Variants in KLF12 observed in about 807,000 individuals in gnomAD.
KLF12 encodes KLF transcription factor 12.
In KLF12, 9 loss-of-function variants were observed where a neutral mutation model predicts 37.8. The ratio of observed to expected loss-of-function variants is 0.24; its 90% CI spans 0.14 to 0.42. The LOEUF is 0.42. Among genes scored for constraint, KLF12 ranks in the 10% least tolerant of loss-of-function variants. KLF12 has a pLI of 1.00. For synonymous variants in KLF12, 208 were observed against 202.1 expected, an observed-to-expected ratio of 1.03 and a Z score of -0.25; for missense variants, 411 against 516.0, an observed-to-expected ratio of 0.80 and a Z score of 1.97.
At chr13:74,045,726 C>T (rs145576476) in intron 1 of KLF12, among the ~76,000 whole-genome samples, 68 of 152,032 alleles carry the variant, frequency 4.5e-4, no homozygotes, top group African/African-American at 1.4e-3. Context: ...GGTAGTCCAG[C>T]GAGCTCCCAC....
chr13:74,260,157 C>T, the KLF12 span, among the ~76,000 whole-genome samples: 1 of 152,096 alleles, frequency 6.6e-6, no homozygotes, highest in Non-Finnish European at 1.5e-5. Context: ...CACATGCACA[C>T]ACGGAGGTAA....
chr13:74,060,328 A>C (rs1425722872), intron 1 of KLF12, among the ~76,000 whole-genome samples: 7 of 151,972 alleles, frequency 4.6e-5, no homozygotes, highest in Non-Finnish European at 1.0e-4. Context: ...ATTGTGTCGA[A>C]TCTGTAGATT....
intron 1 of KLF12, among the ~76,000 whole-genome samples, chr13:74,030,016 A>G (rs1893074009): frequency 6.6e-6 from 1 of 152,108 alleles, no homozygotes; most frequent in Non-Finnish European, 1.5e-5. Flanking sequence ...AATTTCCTCC[A>G]TAAAACTCCA....
intron 2 of KLF12, among the ~76,000 whole-genome samples, chr13:73,964,820 T>C (rs1891130377): frequency 6.6e-6 from 1 of 151,844 alleles, no homozygotes. Flanking sequence ...CGTCTTTACT[T>C]CAAAAACAAA....
intron 3 of KLF12, among the ~76,000 whole-genome samples, chr13:73,874,975 T>G (rs1370673800): frequency 6.6e-6 from 1 of 152,174 alleles, no homozygotes; most frequent in African/African-American, 2.4e-5. Flanking sequence ...AATTATGAGA[T>G]ATAAAAATAT....
the KLF12 span, among the ~76,000 whole-genome samples, chr13:74,156,718 T>C: frequency 1.3e-5 from 2 of 149,256 alleles, no homozygotes; most frequent in African/African-American, 4.9e-5. Flanking sequence ...AGTGAGAACA[T>C]GTGATATTTG....
At chr13:73,915,343 T>C (rs1050451885) in intron 3 of KLF12, among the ~76,000 whole-genome samples, 2 of 152,168 alleles carry the variant, frequency 1.3e-5, no homozygotes, top group African/African-American at 4.8e-5. Flanking sequence ...GTTCCAGAGA[T>C]TAGGACATGG....
chr13:73,958,425 T>C (rs981876604), intron 2 of KLF12, among the ~76,000 whole-genome samples: 8 of 151,990 alleles, frequency 5.3e-5, no homozygotes, highest in African/African-American at 1.9e-4. Context: ...GTATATTTAG[T>C]AGAGACAGGG....
In KLF12 at chr13:74,049,178, C is replaced by A. The variant is rs561418055; in HGVS notation, c.-31-54125G>T. On this transcript the variant is annotated intron_variant, in intron 1 of 7. Coordinates refer to ENST00000377669, the MANE Select transcript of KLF12 (RefSeq NM_007249.5). The stretch of plus-strand genomic sequence containing the variant: ...TGCAGAGTCAAACAAAGGGCCTCCA[C>A]TGAGAGACTCCATAGACATCTTGTA... Among the ~76,000 whole-genome samples the A allele has an allele frequency of 2.0e-5, 3 of 152,362 alleles. No homozygotes were observed. In the East Asian group the frequency reaches 5.8e-4, roughly 29 times the overall value.
At chr13:73,741,129 TA>T (rs1877940048) in intron 6 of KLF12, among the ~76,000 whole-genome samples, 1 of 152,226 alleles carries the variant, frequency 6.6e-6, no homozygotes. Flanking sequence ...TATTCATTTT[TA>T]AAGTTACAAT....
intron 1 of KLF12, among the ~76,000 whole-genome samples, chr13:74,105,155 A>G (rs1876583395): frequency 6.6e-6 from 1 of 152,116 alleles, no homozygotes; most frequent in Admixed American, 6.5e-5. Context: ...CTATTTATAA[A>G]CCTCTTAAGT....
chr13:74,062,780 C>T (rs1324911), intron 1 of KLF12, among the ~76,000 whole-genome samples: 140,153 of 152,238 alleles, frequency 0.92, 65,617 homozygotes, highest in East Asian at 1. Flanking sequence ...AAAAGAAAAA[C>T]GAAAAAATCC....
the KLF12 span, among the ~76,000 whole-genome samples, chr13:74,295,132 G>A: frequency 6.6e-6 from 1 of 152,154 alleles, no homozygotes; most frequent in African/African-American, 2.4e-5. Context: ...TGCTTATCTG[G>A]TAGTGTTGTC....
At chr13:74,103,309 T>C (rs9530279) in intron 1 of KLF12, among the ~76,000 whole-genome samples, 61,648 of 152,124 alleles carry the variant, frequency 0.41, 15,847 homozygotes, top group African/African-American at 0.73. Flanking sequence ...AGGAGTATCC[T>C]TGTAGCTGAT....
intron 1 of KLF12, among the ~76,000 whole-genome samples, chr13:74,033,461 A>G (rs1263711030): frequency 6.6e-6 from 1 of 152,244 alleles, no homozygotes; most frequent in Non-Finnish European, 1.5e-5. Context: ...AAGGAATGTT[A>G]TAATTAAATG....
At position 73,976,152 on chromosome 13, in the gene KLF12, G is replaced by GT. The variant is rs34517205; in HGVS notation, c.33+18837dup. Among the ~76,000 whole-genome samples the GT allele has an allele frequency of 8.6e-3, 1,230 of 143,402 alleles. 7 individuals carry two copies. Among genetic ancestry groups the GT allele is most frequent in the Non-Finnish European group, 0.013 (888 of 65,802 alleles). 94.1% of individuals were successfully genotyped at this position (143,402 alleles called of 152,430 possible). On this transcript the variant is annotated intron_variant, in intron 2 of 7. Coordinates refer to ENST00000377669, the MANE Select transcript of KLF12 (RefSeq NM_007249.5). ...TGACAGAAAGTGTTTTTGTTTTGGG[G>GT]TTTTTTTTTTCCCCCCACAGCTGGC... is the stretch of plus-strand genomic sequence containing the variant.
intron 1 of KLF12, among the ~76,000 whole-genome samples, chr13:74,065,121 C>T (rs190310568): frequency 1.4e-3 from 213 of 152,118 alleles, no homozygotes; most frequent in Non-Finnish European, 2.1e-3. Flanking sequence ...ATTCCACTAT[C>T]CTCCATCTGC....
chr13:73,779,129 G>C (rs1158938201), intron 5 of KLF12, among the ~76,000 whole-genome samples: 1 of 152,140 alleles, frequency 6.6e-6, no homozygotes, highest in Non-Finnish European at 1.5e-5. Flanking sequence ...TCCTGACACA[G>C]AGCTCCTAAA....
the KLF12 span, among the ~76,000 whole-genome samples, chr13:74,210,488 A>G: frequency 6.6e-6 from 1 of 152,186 alleles, no homozygotes; most frequent in African/African-American, 2.4e-5. Flanking sequence ...TCTTTTAGTT[A>G]GCTATGCTAT....
Sources: allele counts gnomAD v4.1 joint callset (sites outside exome capture counted in the v4.1 genomes callset), GRCh38; gene constraint gnomAD v4.1.1; transcripts MANE v1.5; gene names NCBI Gene and HGNC (gene_info 2026-07-23, HGNC 2026-07-21).